ZEB1: variants seen among roughly 807,000 people sequenced by gnomAD.
The protein encoded by ZEB1 is zinc finger E-box binding homeobox 1, also known as zinc finger E-box-binding homeobox 1.
A neutral mutation model predicts 84.9 loss-of-function variants in ZEB1; 21 were observed. That is an observed-to-expected ratio of 0.25 (90% CI 0.18 to 0.36). ZEB1 has a LOEUF of 0.36. ZEB1 is among the 10% of genes least tolerant of loss of function. The probability of loss-of-function intolerance (pLI) is 1.00; values close to 1 mark genes in which losing one functional copy is unlikely to be tolerated. For missense variants in ZEB1, 1,104 were observed against 1,330.2 expected (o/e 0.83, Z 2.65); for synonymous variants, 420 against 471.1 (o/e 0.89, Z 1.41).
chr10:31,439,851 T>G (rs991452995), intron 1 of ZEB1, among the ~76,000 whole-genome samples: 2 of 150,924 alleles, frequency 1.3e-5, no homozygotes, highest in African/African-American at 4.9e-5. Flanking sequence ...GTGAGGAGAG[T>G]CAGCCCATGG....
intron 1 of ZEB1, among the ~76,000 whole-genome samples, chr10:31,388,995 G>A (rs2049136978): frequency 6.6e-6 from 1 of 151,964 alleles, no homozygotes; most frequent in Non-Finnish European, 1.5e-5. Context: ...AGTGAGTTTT[G>A]TTTTATGATA....
intron 1 of ZEB1, among the ~76,000 whole-genome samples, chr10:31,371,356 G>C (rs2134438772): frequency 6.6e-6 from 1 of 152,280 alleles, no homozygotes; most frequent in African/African-American, 2.4e-5. Context: ...AGATATCTCT[G>C]TGTTCTGTAA....
intron 2 of ZEB1, among the ~76,000 whole-genome samples, chr10:31,470,801 G>A (rs1230891427): frequency 1.7e-4 from 21 of 125,234 alleles, no homozygotes; most frequent in African/African-American, 3.5e-4. Context: ...AAATGTTAAG[G>A]GCAGCCAGAG....
intron 1 of ZEB1, among the ~76,000 whole-genome samples, chr10:31,438,897 C>G (rs1048631749): frequency 6.6e-6 from 1 of 152,174 alleles, no homozygotes; most frequent in African/African-American, 2.4e-5. Context: ...TACATACATG[C>G]ATACATAGAG....
chr10:31,501,843 A>G (rs1270821985), intron 3 of ZEB1, among the ~76,000 whole-genome samples: 7 of 152,176 alleles, frequency 4.6e-5, no homozygotes, highest in African/African-American at 1.7e-4. Context: ...CTCGCTCTCA[A>G]ATTATTCTTC....
At chr10:31,320,272 G>C (rs911760003) in intron 1 of ZEB1, 1 of 152,258 alleles carries the variant, frequency 6.6e-6, no homozygotes, top group Non-Finnish European at 1.5e-5. Flanking sequence ...GTGTGTTTGC[G>C]GAGTTGTTAC....
In ZEB1 at chr10:31,461,308, G is replaced by A. The variant is rs559317270; in HGVS notation, c.259+71G>A. 60 of 1,441,408 alleles carry A rather than the reference G, an allele frequency of 4.2e-5. No homozygotes were observed. In the African/African-American group the frequency reaches 8.0e-4, roughly 19 times the overall value. 89.3% of individuals were successfully genotyped at this position (1,441,408 alleles called of 1,614,324 possible). A position where few individuals can be genotyped will look rare whatever the true frequency, so the allele number is the denominator to read the frequency against. Reference sequence around the variant, plus strand: ...TTTTAAAATATATATTAACTGAAAAGATAAATTGGATGAAAAGTTTGAAAT... The same window carrying A: ...TTTTAAAATATATATTAACTGAAAAAATAAATTGGATGAAAAGTTTGAAAT... On this transcript the variant is annotated intron_variant, in intron 2 of 8. Coordinates refer to ENST00000424869, the MANE Select transcript of ZEB1 (RefSeq NM_001174096.2).
At chr10:31,515,988 A>T (rs577722189) in intron 6 of ZEB1, among the ~76,000 whole-genome samples, 4 of 152,202 alleles carry the variant, frequency 2.6e-5, no homozygotes, top group African/African-American at 9.6e-5. Context: ...AGTAAGATTC[A>T]TGTATATAAT....
At chr10:31,486,211 G>A (rs910925501) in intron 2 of ZEB1, among the ~76,000 whole-genome samples, 1 of 151,668 alleles carries the variant, frequency 6.6e-6, no homozygotes, top group Non-Finnish European at 1.5e-5. Flanking sequence ...AGGTTTTGGG[G>A]GGTGAAGTTA....
At position 31,520,515 on chromosome 10, in the gene ZEB1, G is replaced by C; in HGVS notation, c.1183G>C (p.Val395Leu). ...TTCTCCTCAGGGCATGGTGCAAGCT[G>C]TTGTTCTGCCAACAGTTGGTTTGGT... Reference protein sequence around the residue: ...TSSPQGMVQAVVLPTVGLVSP... With the variant: ...TSSPQGMVQALVLPTVGLVSP... The change falls in exon 7 of 9, where the codon GTT (valine) becomes CTT (leucine). Residue 395 changes from valine (V) to leucine (L), a missense_variant. By Grantham distance (32) the Val-to-Leu change is conservative. Transcript: ENST00000424869. The surrounding 1 kb of genome is among the most constrained non-coding windows in gnomAD (Gnocchi z 5.1). 6.2e-7 allele frequency: 1 copy of C among 1,613,786 alleles called. No individual in the cohort carries two copies. The highest frequency in any genetic ancestry group is 8.5e-7 in the Non-Finnish European group (1 of 1,179,700).
In ZEB1 at chr10:31,447,907, T is replaced by G. The variant is rs879169364; in HGVS notation, c.59-13130T>G. Among the ~76,000 whole-genome samples, 45 of 152,182 alleles carry G rather than the reference T, an allele frequency of 3.0e-4. 1 individual carries two copies. Among genetic ancestry groups the G allele is most frequent in the African/African-American group, 8.7e-4 (36 of 41,440 alleles). On this transcript the variant is annotated intron_variant, in intron 1 of 8. Transcript: ENST00000424869. ...TTATGTGTCTTGGAGTTGCTCTTCT[T>G]GAGGAGTATCTTTTTGGCGTTCTCT...
At chr10:31,451,969 G>A (rs223532) in intron 1 of ZEB1, among the ~76,000 whole-genome samples, 7,362 of 152,172 alleles carry the variant, frequency 0.048, 188 homozygotes, top group South Asian at 0.065. Context: ...CTTTCCCTGC[G>A]TTTGCCTATC....
intron 1 of ZEB1, among the ~76,000 whole-genome samples, chr10:31,406,872 A>C (rs1350142266): frequency 6.6e-6 from 1 of 151,962 alleles, no homozygotes; most frequent in Non-Finnish European, 1.5e-5. Context: ...TTTTTGTATG[A>C]GGTGTAAGGA....
intron 1 of ZEB1, among the ~76,000 whole-genome samples, chr10:31,424,013 T>G (rs924926309): frequency 6.6e-6 from 1 of 152,062 alleles, no homozygotes; most frequent in African/African-American, 2.4e-5. Flanking sequence ...CTTTTGTTTT[T>G]TTGTTGTTGT....
chr10:31,464,053 A>G (rs764255310), intron 2 of ZEB1, among the ~76,000 whole-genome samples: 4 of 152,244 alleles, frequency 2.6e-5, no homozygotes, highest in Non-Finnish European at 5.9e-5. Flanking sequence ...TGTTTTAAGA[A>G]TAATCTAATA....
intron 3 of ZEB1, among the ~76,000 whole-genome samples, chr10:31,498,479 A>T (rs184610312): frequency 1.6e-3 from 243 of 152,228 alleles, no homozygotes; most frequent in Middle Eastern, 0.014. Flanking sequence ...GTAAATAGCT[A>T]ACAATTACAT....
At chr10:31,474,886 A>T (rs1199138509) in intron 2 of ZEB1, among the ~76,000 whole-genome samples, 2 of 152,306 alleles carry the variant, frequency 1.3e-5, no homozygotes, top group East Asian at 3.9e-4. Flanking sequence ...CAGCCATAAA[A>T]AAGGATGAGT....
rs760495450 is a variant in ZEB1 at position 31,520,104 on chromosome 10, A to ATTTG, written c.794-6_794-3dup. The ATTTG allele has an allele frequency of 1.4e-5, 23 of 1,611,492 alleles. No homozygotes were observed. The highest frequency in any genetic ancestry group is 5.5e-5 in the South Asian group (5 of 91,004). On this transcript the variant is annotated intron_variant, in intron 6 of 8. Coordinates refer to ENST00000424869, the MANE Select transcript of ZEB1 (RefSeq NM_001174096.2). This position sits in a 1 kb window ranked among gnomAD's most constrained non-coding sequence, Gnocchi z 5.1. Reference sequence around the variant, plus strand: ...TATATGTAATAATTCAGTGAATATAATTTGTTTGTTTGTTTGTTTAGGAGA... The same window carrying ATTTG: ...TATATGTAATAATTCAGTGAATATAATTTGTTTGTTTGTTTGTTTGTTTAGGAGA...
chr10:31,410,351 A>G (rs550854514), intron 1 of ZEB1, among the ~76,000 whole-genome samples: 7 of 152,128 alleles, frequency 4.6e-5, no homozygotes, highest in Non-Finnish European at 1.0e-4. Flanking sequence ...CCAGGTATGA[A>G]GCTGACCTAA....
Sources: gnomAD v4.1 joint callset for allele counts (sites outside exome capture counted in the v4.1 genomes callset) on GRCh38, gnomAD v4.1.1 for gene constraint, Gnocchi (gnomAD v3.1) non-coding constraint, MANE v1.5 for transcripts, NCBI Gene and HGNC (gene_info 2026-07-23, HGNC 2026-07-21) for gene names.